Variants in COL25A1 observed in about 807,000 individuals in gnomAD.
The protein encoded by COL25A1 is collagen type XXV alpha 1 chain, also known as collagen alpha-1(XXV) chain.
In COL25A1, 103 loss-of-function variants were observed where a neutral mutation model predicts 128.4. The ratio of observed to expected loss-of-function variants is 0.80; its 90% CI spans 0.68 to 0.94. The LOEUF (loss-of-function observed/expected upper bound fraction) is 0.94. Ranked by LOEUF, COL25A1 falls within the 40% of genes least tolerant of loss-of-function variation. The pLI is 0.00. For synonymous variants in COL25A1, 279 were observed against 277.2 expected, an observed-to-expected ratio of 1.01 and a Z score of -0.06; for missense variants, 745 against 840.0, an observed-to-expected ratio of 0.89 and a Z score of 1.40.
At chr4:109,011,395 T>C (rs1756575170) in intron 5 of COL25A1, among the ~76,000 whole-genome samples, 1 of 148,098 alleles carries the variant, frequency 6.8e-6, no homozygotes, top group Non-Finnish European at 1.5e-5. Context: ...GAACAGATGA[T>C]TTCCAAGAAC....
chr4:108,825,594 G>A (rs1389915077), intron 33 of COL25A1, among the ~76,000 whole-genome samples: 1 of 152,112 alleles, frequency 6.6e-6, no homozygotes, highest in Non-Finnish European at 1.5e-5. Context: ...TTCTACTGAT[G>A]TTTAAAGCTT....
At chr4:108,861,048 C>G (rs1737151036) in intron 22 of COL25A1, 77 bp from the exon 23 acceptor site, 2 of 1,241,944 alleles carry the variant, frequency 1.6e-6, no homozygotes, top group Admixed American at 1.7e-5. Context: ...CATGTTTATG[C>G]CATACAGAAG....
intron 16 of COL25A1, among the ~76,000 whole-genome samples, chr4:108,894,261 T>A (rs1578684852): frequency 1.3e-5 from 2 of 152,306 alleles, no homozygotes; most frequent in South Asian, 4.1e-4. Context: ...GAAACAATTA[T>A]TGGCCTACAT....
chr4:109,059,187 G>A (rs1451699984), intron 3 of COL25A1, among the ~76,000 whole-genome samples: 1 of 152,190 alleles, frequency 6.6e-6, no homozygotes, highest in Admixed American at 6.5e-5. Flanking sequence ...ACTGGGCTAA[G>A]CACTGTACAT....
intron 6 of COL25A1, among the ~76,000 whole-genome samples, chr4:108,981,396 G>A (rs961658584): frequency 1.3e-5 from 2 of 151,978 alleles, no homozygotes; most frequent in African/African-American, 2.4e-5. Flanking sequence ...TGCAAATAAC[G>A]AACTACAAAT....
intron 3 of COL25A1, among the ~76,000 whole-genome samples, chr4:109,097,559 G>A (rs188502402): frequency 6.6e-6 from 1 of 151,590 alleles, no homozygotes; most frequent in African/African-American, 2.4e-5. Context: ...GTTGCAGTGA[G>A]CCCAGATGGC....
chr4:109,083,180 G>C (rs992295498), intron 3 of COL25A1, among the ~76,000 whole-genome samples: 4 of 152,054 alleles, frequency 2.6e-5, no homozygotes, highest in South Asian at 2.1e-4. Context: ...GCCTAAGTCT[G>C]GTTTAAAAAT....
At chr4:109,284,433 CAAGAA>C (rs992181665) in intron 3 of COL25A1, among the ~76,000 whole-genome samples, 3 of 152,026 alleles carry the variant, frequency 2.0e-5, no homozygotes, top group Non-Finnish European at 2.9e-5. Context: ...CCGTCAAAAA[CAAGAA>C]AAGAAAAGAA....
chr4:108,987,363 T>C (rs1292445778), intron 6 of COL25A1, among the ~76,000 whole-genome samples: 1 of 125,450 alleles, frequency 8.0e-6, no homozygotes, highest in Non-Finnish European at 1.7e-5. Flanking sequence ...ACAGCATACC[T>C]TTCTTTTTTT....
At chr4:108,881,190 T>C (rs1006794804) in intron 19 of COL25A1, among the ~76,000 whole-genome samples, 8 of 152,332 alleles carry the variant, frequency 5.3e-5, no homozygotes, top group Non-Finnish European at 5.9e-5. Context: ...TTTTATTATG[T>C]ATGCCTAAGG....
intron 3 of COL25A1, among the ~76,000 whole-genome samples, chr4:109,178,259 A>T (rs972214299): frequency 1.3e-5 from 2 of 152,212 alleles, no homozygotes; most frequent in African/African-American, 4.8e-5. Flanking sequence ...TCAAAATGCT[A>T]AAAACATTTT....
intron 3 of COL25A1, among the ~76,000 whole-genome samples, chr4:109,144,597 A>G (rs1202498236): frequency 6.6e-6 from 1 of 152,214 alleles, no homozygotes; most frequent in Non-Finnish European, 1.5e-5. Flanking sequence ...ACCCTGCCCA[A>G]GAAATTTCAT....
At chr4:109,264,514 C>T (rs983760165) in intron 3 of COL25A1, among the ~76,000 whole-genome samples, 2 of 152,240 alleles carry the variant, frequency 1.3e-5, no homozygotes, top group Admixed American at 6.5e-5. Flanking sequence ...TTGAGAAAAT[C>T]GGGAGGAAAA....
chr4:108,986,285 C>A (rs757477313), intron 6 of COL25A1, among the ~76,000 whole-genome samples: 3 of 152,160 alleles, frequency 2.0e-5, no homozygotes, highest in South Asian at 4.1e-4. Context: ...ATTTTGTAAT[C>A]TACAATGAAA....
intron 3 of COL25A1, among the ~76,000 whole-genome samples, chr4:109,285,427 CA>C (rs1183343281): frequency 5.9e-5 from 9 of 152,124 alleles, no homozygotes; most frequent in Non-Finnish European, 1.3e-4. Context: ...AGAATGTCAC[CA>C]AGGGAATTCA....
chr4:109,241,063 C>G (rs1193113223), intron 3 of COL25A1, among the ~76,000 whole-genome samples: 3 of 152,012 alleles, frequency 2.0e-5, no homozygotes, highest in Non-Finnish European at 4.4e-5. Flanking sequence ...TGTTGAATTA[C>G]TGTTCATTAT....
intron 11 of COL25A1, among the ~76,000 whole-genome samples, chr4:108,931,659 T>C (rs1199791779): frequency 6.6e-6 from 1 of 152,176 alleles, no homozygotes; most frequent in Admixed American, 6.5e-5. Context: ...TCTGTGCACG[T>C]AGGAATCAAC....
chr4:108,948,951 A>T (rs1355637524), intron 8 of COL25A1, among the ~76,000 whole-genome samples: 1 of 152,210 alleles, frequency 6.6e-6, no homozygotes, highest in Non-Finnish European at 1.5e-5. Flanking sequence ...GTTGTATATG[A>T]TCTATTAGGG....
chr4:108,920,646 A>C, intron 11 of COL25A1, 42 bp from the exon 12 acceptor site: 1 of 1,534,538 alleles, frequency 6.5e-7, no homozygotes, highest in South Asian at 1.2e-5. Context: ...TATTGTAGCC[A>C]TTTAAGCTTA....
Sources: gnomAD v4.1 joint callset for allele counts (sites outside exome capture counted in the v4.1 genomes callset) on GRCh38, gnomAD v4.1.1 for gene constraint, MANE v1.5 for transcripts, NCBI Gene and HGNC (gene_info 2026-07-23, HGNC 2026-07-21) for gene names.